EPB41L5: variants seen among roughly 807,000 people sequenced by gnomAD.
EPB41L5 encodes erythrocyte membrane protein band 4.1 like 5, also known as band 4.1-like protein 5.
EPB41L5 carries 55 observed loss-of-function variants against 106.6 expected under a neutral mutation model. That is an observed-to-expected ratio of 0.52 (90% CI 0.42 to 0.65). The LOEUF (loss-of-function observed/expected upper bound fraction) is 0.65, where lower values mean the gene tolerates loss of function less well. EPB41L5 is among the 30% of genes least tolerant of loss of function. The pLI is 0.00. For synonymous variants in EPB41L5, 297 were observed against 306.7 expected, an observed-to-expected ratio of 0.97 and a Z score of 0.33; for missense variants, 871 against 882.1, an observed-to-expected ratio of 0.99 and a Z score of 0.16.
intron 1 of EPB41L5, among the ~76,000 whole-genome samples, chr2:120,014,601 C>G (rs113475951): frequency 6.6e-6 from 1 of 152,240 alleles, no homozygotes; most frequent in African/African-American, 2.4e-5. Context: ...GATTGCTTTT[C>G]TGAGAATAAG....
intron 2 of EPB41L5, among the ~76,000 whole-genome samples, chr2:120,027,720 T>A (rs1321192675): frequency 2.0e-5 from 3 of 152,118 alleles, no homozygotes; most frequent in South Asian, 4.2e-4. Flanking sequence ...GGGTTTCTTT[T>A]TGAGGTGATG....
At chr2:120,118,539 G>A (rs1685059688) in intron 16 of EPB41L5, among the ~76,000 whole-genome samples, 1 of 151,914 alleles carries the variant, frequency 6.6e-6, no homozygotes. Context: ...CCCAGTGTGT[G>A]TTGTTCCCCC....
intron 10 of EPB41L5, 38 bp from the exon 11 acceptor site, chr2:120,087,133 G>A: frequency 8.0e-7 from 1 of 1,250,970 alleles, no homozygotes; most frequent in Non-Finnish European, 1.1e-6. Flanking sequence ...GAGAACATTT[G>A]TTTGTAATTT....
chr2:120,149,574 C>T (rs1450354262), intron 20 of EPB41L5, among the ~76,000 whole-genome samples: 1 of 152,076 alleles, frequency 6.6e-6, no homozygotes, highest in African/African-American at 2.4e-5. Context: ...ACTTTATTTC[C>T]TTTTATGGCT....
chr2:120,018,401 C>G (rs1677690676), intron 1 of EPB41L5, among the ~76,000 whole-genome samples: 1 of 152,114 alleles, frequency 6.6e-6, no homozygotes, highest in Admixed American at 6.5e-5. Context: ...CTTCTCCTGC[C>G]AAATCAGTTC....
intron 8 of EPB41L5, 45 bp downstream of exon 8, chr2:120,077,136 T>C: frequency 6.3e-7 from 1 of 1,594,742 alleles, no homozygotes; most frequent in Non-Finnish European, 8.5e-7. Context: ...ACCACAACAG[T>C]TATTTCATAT....
chr2:120,021,392 C>A (rs556823739), intron 2 of EPB41L5, among the ~76,000 whole-genome samples: 1 of 151,828 alleles, frequency 6.6e-6, no homozygotes. Context: ...CGCCGGTAAT[C>A]GCAGCACTTT....
intron 20 of EPB41L5, among the ~76,000 whole-genome samples, chr2:120,155,296 A>G (rs1686854023): frequency 6.6e-6 from 1 of 152,160 alleles, no homozygotes; most frequent in Non-Finnish European, 1.5e-5. Flanking sequence ...TTGACAGGGT[A>G]CTTTCTTTCA....
intron 3 of EPB41L5, among the ~76,000 whole-genome samples, chr2:120,056,305 C>CTT (rs796441351): frequency 2.9e-5 from 4 of 139,502 alleles, no homozygotes; most frequent in African/African-American, 1.0e-4. Context: ...GGTTTATAGT[C>CTT]TTTTTTTTTT....
At chr2:120,022,275 C>A (rs1277640971) in intron 2 of EPB41L5, among the ~76,000 whole-genome samples, 1 of 152,062 alleles carries the variant, frequency 6.6e-6, no homozygotes, top group East Asian at 1.9e-4. Context: ...TCGTGGTTTG[C>A]TGTACACATC....
chr2:120,100,387 C>A, intron 15 of EPB41L5, 101 bp downstream of exon 15: 1 of 1,080,936 alleles, frequency 9.3e-7, no homozygotes, highest in Non-Finnish European at 1.4e-6. Context: ...TAACCCTGCA[C>A]AAATTATGTG....
chr2:120,102,875 A>G (rs1684230987), intron 16 of EPB41L5, among the ~76,000 whole-genome samples: 1 of 152,208 alleles, frequency 6.6e-6, no homozygotes, highest in African/African-American at 2.4e-5. Context: ...CAACAGAAAC[A>G]AAACTGAATA....
chr2:120,078,698 A>G (rs980163726), intron 10 of EPB41L5, 117 bp downstream of exon 10: 1 of 617,532 alleles, frequency 1.6e-6, no homozygotes, highest in African/African-American at 1.9e-5. Context: ...TGTCAATGAA[A>G]GCAACTGTCT....
intron 2 of EPB41L5, among the ~76,000 whole-genome samples, chr2:120,038,694 C>T (rs1679197599): frequency 6.6e-6 from 1 of 152,182 alleles, no homozygotes; most frequent in Non-Finnish European, 1.5e-5. Context: ...GTGGAGATTG[C>T]AGTGAGCCTA....
At chr2:120,122,894 CT>C (rs1457940656) in intron 16 of EPB41L5, among the ~76,000 whole-genome samples, 2 of 152,066 alleles carry the variant, frequency 1.3e-5, no homozygotes, top group African/African-American at 4.8e-5. Flanking sequence ...CTTCACATGC[CT>C]TTACCCAGGT....
intron 3 of EPB41L5, among the ~76,000 whole-genome samples, chr2:120,057,111 C>G (rs1680709920): frequency 6.6e-6 from 1 of 152,116 alleles, no homozygotes; most frequent in African/African-American, 2.4e-5. Context: ...CCAGACTGGT[C>G]TTGATCTCCT....
chr2:120,089,235 A>AT (rs1683253278), intron 11 of EPB41L5, among the ~76,000 whole-genome samples: 2 of 152,222 alleles, frequency 1.3e-5, no homozygotes, highest in African/African-American at 4.8e-5. Flanking sequence ...TAGATTTAAC[A>AT]TTTTTTACAT....
rs1192465252 is a variant in EPB41L5 at position 120,121,404 on chromosome 2, A to C, written c.1338-6284A>C. On this transcript the variant is annotated intron_variant, in intron 16 of 24. Transcript: ENST00000263713. Reference sequence around the variant, plus strand: ...TGTGGTGTTCCCTGCCTTGTGTCCAAGTGTTTTCATTGTTCAGTTCCCACC... The same window carrying C: ...TGTGGTGTTCCCTGCCTTGTGTCCACGTGTTTTCATTGTTCAGTTCCCACC... 2.0e-5 allele frequency among the ~76,000 whole-genome samples: 3 copies of C among 152,008 alleles called. No homozygotes were observed. In the East Asian group the frequency reaches 5.8e-4, roughly 29 times the overall value.
chr2:120,103,772 A>G (rs1169644324), intron 16 of EPB41L5, among the ~76,000 whole-genome samples: 1 of 152,212 alleles, frequency 6.6e-6, no homozygotes, highest in East Asian at 1.9e-4. Flanking sequence ...TCAGGGACAG[A>G]TACAGAGTGT....
Sources: allele counts gnomAD v4.1 joint callset (sites outside exome capture counted in the v4.1 genomes callset), GRCh38; gene constraint gnomAD v4.1.1; transcripts MANE v1.5; gene names NCBI Gene and HGNC (gene_info 2026-07-23, HGNC 2026-07-21).